Variants in AUTS2 observed in about 807,000 individuals in gnomAD.
The protein encoded by AUTS2 is activator of transcription and developmental regulator AUTS2.
Under a neutral mutation model 112.4 loss-of-function variants are expected in AUTS2, and 17 were observed. That is an observed-to-expected ratio of 0.15 (90% CI 0.10 to 0.23). The LOEUF is 0.23. Among genes scored for constraint, AUTS2 ranks in the 10% least tolerant of loss-of-function variants. The probability of loss-of-function intolerance (pLI) is 1.00; values close to 1 mark genes in which losing one functional copy is unlikely to be tolerated. For missense variants in AUTS2, 1,510 were observed against 1,701.6 expected (o/e 0.89, Z 1.98); for synonymous variants, 751 against 702.7 (o/e 1.07, Z -1.09).
intron 4 of AUTS2, among the ~76,000 whole-genome samples, chr7:70,307,684 G>C (rs944560177): frequency 5.9e-5 from 9 of 152,142 alleles, no homozygotes; most frequent in Admixed American, 6.5e-5. Context: ...CACACGAAAG[G>C]AGAGCCTAGA....
At chr7:70,109,256 TTAA>T (rs1804943492) in intron 2 of AUTS2, among the ~76,000 whole-genome samples, 1 of 152,194 alleles carries the variant, frequency 6.6e-6, no homozygotes, top group African/African-American at 2.4e-5. Flanking sequence ...AAATTACTTT[TTAA>T]TAATCAAAAT....
rs149008605 is a variant in AUTS2 at position 70,405,149 on chromosome 7, A to G, written c.661-30603A>G. ...AGAGAGAACAGGAGAGAGGAAAGAT[A>G]CTTGAGGTGGCATTGTATACCATAA... On this transcript the variant is annotated intron_variant, in intron 4 of 18. Transcript: ENST00000342771. Among the ~76,000 whole-genome samples the G allele has an allele frequency of 1.1e-4, 17 of 152,372 alleles. No homozygotes were observed. The East Asian group carries it at 3.1e-3, about 28-fold the overall frequency.
intron 1 of AUTS2, among the ~76,000 whole-genome samples, chr7:69,829,995 A>G (rs1791429003): frequency 6.6e-6 from 1 of 152,226 alleles, no homozygotes; most frequent in Admixed American, 6.5e-5. Context: ...CCAGATGCCC[A>G]TCAGTGATAG....
intron 4 of AUTS2, among the ~76,000 whole-genome samples, chr7:70,301,471 T>C (rs1789208173): frequency 6.6e-6 from 1 of 152,042 alleles, no homozygotes; most frequent in Non-Finnish European, 1.5e-5. Context: ...TAAAATAAAA[T>C]AGGGAAAAAA....
chr7:70,356,053 G>A (rs1445157441), intron 4 of AUTS2, among the ~76,000 whole-genome samples: 2 of 152,198 alleles, frequency 1.3e-5, no homozygotes, highest in Non-Finnish European at 2.9e-5. Context: ...GGAGAAGTGA[G>A]GAGATGGGAA....
chr7:70,627,937 G>T (rs1280079772), intron 5 of AUTS2, among the ~76,000 whole-genome samples: 1 of 152,172 alleles, frequency 6.6e-6, no homozygotes, highest in African/African-American at 2.4e-5. Flanking sequence ...TTCTGAAGGT[G>T]ATATTAAAAC....
In AUTS2 at chr7:70,340,193, C is replaced by CAT. The variant is rs1449695459; in HGVS notation, c.661-95558_661-95557insTA. ...ACACACACACACACACACACACACA[C>CAT]ACCCCGTAATAAGTTAAGAGTCTTT... is the stretch of plus-strand genomic sequence containing the variant. On this transcript the variant is annotated intron_variant, in intron 4 of 18. Transcript: ENST00000342771. Among the ~76,000 whole-genome samples, 18 of 151,914 alleles carry CAT rather than the reference C, an allele frequency of 1.2e-4. 1 individual carries two copies. Among genetic ancestry groups the CAT allele is most frequent in the African/African-American group, 4.1e-4 (17 of 41,360 alleles).
At chr7:69,886,251 C>T (rs1024860989) in intron 1 of AUTS2, among the ~76,000 whole-genome samples, 7 of 152,190 alleles carry the variant, frequency 4.6e-5, no homozygotes, top group African/African-American at 1.4e-4. Flanking sequence ...CATGTTGATT[C>T]TCTATGTCAC....
chr7:69,715,815 T>C (rs77845715), intron 1 of AUTS2, among the ~76,000 whole-genome samples: 237 of 152,330 alleles, frequency 1.6e-3, no homozygotes, highest in African/African-American at 5.6e-3. Context: ...CTAAGTGATT[T>C]TGTATATGAA....
chr7:69,812,333 T>TA (rs1790579606), intron 1 of AUTS2, among the ~76,000 whole-genome samples: 1 of 152,214 alleles, frequency 6.6e-6, no homozygotes, highest in Admixed American at 6.5e-5. Flanking sequence ...CACTTCTTGC[T>TA]ATTGGCAAGA....
intron 18 of AUTS2, among the ~76,000 whole-genome samples, chr7:70,788,042 C>A (rs1791628229): frequency 6.6e-6 from 1 of 151,840 alleles, no homozygotes; most frequent in South Asian, 2.1e-4. Context: ...ACTTGGTAAC[C>A]CATGCCTAAA....
Position 70,791,238 on chromosome 7 carries a change from T to A in AUTS2, c.*242T>A. On this transcript the variant is annotated 3_prime_UTR_variant, in exon 19 of 19. Transcript: ENST00000342771. ...CGTCTCCTACTTTTTGTTTCTCGTA[T>A]AAAACTTTTTGATTTGAACCAAAAC... 3 of 300,494 alleles carry A rather than the reference T, an allele frequency of 1.0e-5. No individual in the cohort carries two copies. The highest frequency in any genetic ancestry group is 1.7e-5 in the Non-Finnish European group (3 of 175,900). 18.6% of individuals were successfully genotyped at this position (300,494 alleles called of 1,614,324 possible).
Position 69,865,735 on chromosome 7 carries a change from A to G in AUTS2, c.310-33551A>G, listed in dbSNP as rs145262347. Among the ~76,000 whole-genome samples the G allele has an allele frequency of 7.2e-5, 11 of 152,186 alleles. No homozygotes were observed. In the East Asian group the frequency reaches 2.1e-3, roughly 29 times the overall value. On this transcript the variant is annotated intron_variant, in intron 1 of 18. Coordinates refer to ENST00000342771, the MANE Select transcript of AUTS2 (RefSeq NM_015570.4). ...AAGTCCTATTTTGCTGTCTCTTCGA[A>G]TTTAGAGACATCATCAGTGCATATC... is the stretch of plus-strand genomic sequence containing the variant.
chr7:70,514,625 TG>T (rs1799340344), intron 5 of AUTS2, among the ~76,000 whole-genome samples: 1 of 152,162 alleles, frequency 6.6e-6, no homozygotes, highest in Non-Finnish European at 1.5e-5. Flanking sequence ...CCTCCAACAC[TG>T]GGGATCACAT....
intron 1 of AUTS2, among the ~76,000 whole-genome samples, chr7:69,625,960 A>G (rs1793924811): frequency 6.6e-6 from 1 of 152,234 alleles, no homozygotes; most frequent in African/African-American, 2.4e-5. Flanking sequence ...CTCTATGAAC[A>G]TTATTGTGGT....
intron 2 of AUTS2, among the ~76,000 whole-genome samples, chr7:70,089,830 G>A (rs957828629): frequency 6.6e-5 from 10 of 151,620 alleles, no homozygotes; most frequent in Admixed American, 1.3e-4. Context: ...CCAACATGGC[G>A]AAACCCCGTC....
intron 1 of AUTS2, among the ~76,000 whole-genome samples, chr7:69,618,079 G>A (rs1285832907): frequency 6.6e-6 from 1 of 152,188 alleles, no homozygotes; most frequent in Non-Finnish European, 1.5e-5. Context: ...GGAAATTGAG[G>A]TGCAGAGAAG....
intron 4 of AUTS2, among the ~76,000 whole-genome samples, chr7:70,147,421 G>A (rs935787293): frequency 6.6e-6 from 1 of 152,038 alleles, no homozygotes; most frequent in Admixed American, 6.6e-5. Context: ...AGTCAGCTGA[G>A]TCTCTACCTC....
chr7:70,149,606 A>G (rs1221555518), intron 4 of AUTS2, among the ~76,000 whole-genome samples: 5 of 152,046 alleles, frequency 3.3e-5, no homozygotes, highest in Non-Finnish European at 5.9e-5. Context: ...ATTGACAACA[A>G]TGAACACATT....
Sources: allele counts gnomAD v4.1 joint callset (sites outside exome capture counted in the v4.1 genomes callset), GRCh38; gene constraint gnomAD v4.1.1; transcripts MANE v1.5; gene names NCBI Gene and HGNC (gene_info 2026-07-23, HGNC 2026-07-21).